Variants in NEB observed in about 807,000 individuals in gnomAD.
NEB encodes nemaline myopathy type 2.
A neutral mutation model predicts 952.2 loss-of-function variants in NEB; 512 were observed. That is an observed-to-expected ratio of 0.54 (90% confidence interval 0.50 to 0.58). The LOEUF (loss-of-function observed/expected upper bound fraction) is 0.58. NEB is among the 20% of genes least tolerant of loss of function. NEB has a pLI of 0.00. For synonymous variants in NEB, 2,900 were observed against 3,149.8 expected, an observed-to-expected ratio of 0.92 and a Z score of 2.66; for missense variants, 8,428 against 9,231.1, an observed-to-expected ratio of 0.91 and a Z score of 3.56.
intron 109 of NEB, 110 bp downstream of exon 109, chr2:151,569,971 C>G (rs1006880124): frequency 9.1e-7 from 1 of 1,103,060 alleles, no homozygotes; most frequent in Non-Finnish European, 1.3e-6. Context: ...ATATTAAATT[C>G]TTGGTGATAT....
At chr2:151,540,132 G>A (rs915443777) in intron 138 of NEB, among the ~76,000 whole-genome samples, 6 of 152,166 alleles carry the variant, frequency 3.9e-5, no homozygotes, top group African/African-American at 9.6e-5. Flanking sequence ...TTATTCAGGA[G>A]AGAATTGAGA....
At position 151,570,308 on chromosome 2, in the gene NEB, C is replaced by T. The variant is rs202111641; in HGVS notation, c.17203G>A (p.Ala5735Thr). The change falls in exon 109 of 182, where the codon GCC (alanine) becomes ACC (threonine). Residue 5735 changes from alanine to threonine, a missense_variant. Transcript: ENST00000397345. ...TARDDNKIRWALIADKLQNER... is the reference protein window; with the variant it reads ...TARDDNKIRWTLIADKLQNER... ...TTCTGGAGCTTGTCAGCTATGAGGG[C>T]CCAGCGGATCTTGTTGTCATCCCTG... 160 of 1,610,730 alleles carry T rather than the reference C, an allele frequency of 9.9e-5. No homozygotes were observed. Among genetic ancestry groups the T allele is most frequent in the Non-Finnish European group, 1.3e-4 (153 of 1,177,596 alleles).
At position 151,665,419 on chromosome 2, in the gene NEB, G is replaced by A. The variant is rs1469223566; in HGVS notation, c.5152C>T (p.Gln1718Ter). Reference protein sequence around the residue: ...GEILSEKKYRQHPEKLKFTYA... With the variant: ...GEILSEKKYR The stretch of plus-strand genomic sequence containing the variant: ...GTGAACTTCAGCTTCTCGGGGTGCT[G>A]GCGATACTTCTTCTCACTAAGAATC... Residue 1718 changes from glutamine (Q) to a stop codon, truncating the protein, a stop_gained, in exon 42 of 182, where the codon CAG becomes TAG. Coordinates refer to ENST00000397345, the MANE Select transcript of NEB (RefSeq NM_001164508.2). LOFTEE classifies it high-confidence loss of function. 1.9e-6 allele frequency: 3 copies of A among 1,613,704 alleles called. No individual in the cohort carries two copies. Among genetic ancestry groups the A allele is most frequent in the East Asian group, 2.2e-5 (1 of 44,872 alleles).
intron 170 of NEB, chr2:151,497,932 A>AGAGTT: frequency 6.9e-7 from 1 of 1,454,344 alleles, no homozygotes; most frequent in Non-Finnish European, 9.0e-7. Flanking sequence ...AAGGGCTGTC[A>AGAGTT]GAGTTATCCA....
intron 161 of NEB, among the ~76,000 whole-genome samples, chr2:151,509,866 C>T (rs941193072): frequency 6.6e-6 from 1 of 152,160 alleles, no homozygotes; most frequent in African/African-American, 2.4e-5. Context: ...CCTCGGTCTC[C>T]CAAAGTCCTG....
chr2:151,644,145 G>A lies in NEB; in HGVS notation c.7645-16C>T. Reference sequence around the variant, plus strand: ...TGTACTTGTACTAGAGAAAAAAAATGTGTCTCATTCCTTTCAAAATTTACT... The same window carrying A: ...TGTACTTGTACTAGAGAAAAAAAATATGTCTCATTCCTTTCAAAATTTACT... On this transcript the variant is annotated splice_polypyrimidine_tract_variant and intron_variant, in intron 56 of 181. Transcript: ENST00000397345. 1 of 1,609,702 alleles carries A rather than the reference G, an allele frequency of 6.2e-7. No individual in the cohort carries two copies. Among genetic ancestry groups the A allele is most frequent in the Non-Finnish European group, 8.5e-7 (1 of 1,176,454 alleles).
chr2:151,551,524 A>T (rs146747679), intron 129 of NEB, among the ~76,000 whole-genome samples: 32 of 152,326 alleles, frequency 2.1e-4, no homozygotes, highest in Middle Eastern at 3.4e-3. Flanking sequence ...AATATTGCTA[A>T]AACATGCCCA....
intron 9 of NEB, among the ~76,000 whole-genome samples, chr2:151,722,101 A>T (rs1034697222): frequency 1.1e-4 from 16 of 152,332 alleles, no homozygotes; most frequent in African/African-American, 3.4e-4. Context: ...TTCCATTAGA[A>T]GTAAATCCCA....
At chr2:151,569,782 A>G (rs748228489) in intron 109 of NEB, among the ~76,000 whole-genome samples, 35 of 152,344 alleles carry the variant, frequency 2.3e-4, no homozygotes, top group Admixed American at 4.6e-4. Flanking sequence ...TGGGCTGCCA[A>G]TATTTTACTG....
At chr2:151,641,151 C>G (rs1470120570) in intron 60 of NEB, among the ~76,000 whole-genome samples, 1 of 151,628 alleles carries the variant, frequency 6.6e-6, no homozygotes, top group Non-Finnish European at 1.5e-5. Flanking sequence ...TTTATACACA[C>G]AGAAAAAAAA....
chr2:151,690,888 T>TA, intron 23 of NEB, 63 bp from the exon 24 acceptor site: 1 of 1,220,796 alleles, frequency 8.2e-7, no homozygotes, highest in Non-Finnish European at 1.2e-6. Flanking sequence ...TGCGCTAACA[T>TA]AAAAAATGGT....
intron 117 of NEB, among the ~76,000 whole-genome samples, chr2:151,564,724 A>T (rs1009169410): frequency 3.3e-5 from 5 of 152,146 alleles, no homozygotes; most frequent in Admixed American, 1.3e-4. Context: ...CCCCCAGAGC[A>T]CTTGTTAGAT....
chr2:151,611,949 G>A (rs1445733102), intron 78 of NEB, among the ~76,000 whole-genome samples: 2 of 152,174 alleles, frequency 1.3e-5, no homozygotes, highest in African/African-American at 4.8e-5. Context: ...AGAAGGGTGA[G>A]TGCATCACTC....
At chr2:151,523,576 T>C (rs2083432693) in intron 153 of NEB, among the ~76,000 whole-genome samples, 1 of 152,372 alleles carries the variant, frequency 6.6e-6, no homozygotes, top group East Asian at 1.9e-4. Context: ...CTGATAGGTC[T>C]GGTGGTAGAT....
chr2:151,726,428 T>C (rs769905850), intron 5 of NEB, among the ~76,000 whole-genome samples: 6 of 152,244 alleles, frequency 3.9e-5, no homozygotes, highest in South Asian at 2.1e-4. Flanking sequence ...AAAGTGAGTA[T>C]GTATTGCTCA....
rs374505298 is a variant in NEB at position 151,485,722 on chromosome 2, C to G, written c.*38G>C. 1.1e-5 allele frequency: 17 copies of G among 1,559,362 alleles called. No homozygotes were observed. In the African/African-American group the frequency reaches 2.3e-4, roughly 21 times the overall value. ...TAAACCGAAACATTGACTGCAGGAT[C>G]TGTAAGTCCTGCAGACAAGTGTGAT... is the stretch of plus-strand genomic sequence containing the variant. On this transcript the variant is annotated 3_prime_UTR_variant, in exon 182 of 182. Transcript: ENST00000397345.
At chr2:151,665,639 G>A in intron 41 of NEB, 100 bp from the exon 42 acceptor site, 1 of 1,029,056 alleles carries the variant, frequency 9.7e-7, no homozygotes, top group Non-Finnish European at 1.4e-6. Context: ...AGAGAAGCTG[G>A]GAGGGGGAGA....
At chr2:151,495,117 C>T (rs2152907042) in intron 173 of NEB, 1 of 152,332 alleles carries the variant, frequency 6.6e-6, no homozygotes. Context: ...TTCAGCTTAT[C>T]ATTAAGGAAT....
Position 151,581,494 on chromosome 2 carries a change from G to A in NEB, c.16273C>T (p.Gln5425Ter), listed in dbSNP as rs1064796311. 3.2e-6 allele frequency: 3 copies of A among 946,706 alleles called. No homozygotes were observed. Among genetic ancestry groups the A allele is most frequent in the African/African-American group, 2.3e-5 (1 of 44,360 alleles). The allele number at this position is 946,706 out of a possible 1,614,324, so 58.6% of individuals were successfully genotyped here. ...LMLQSKINALQISNKRYQQAW... is the reference protein window; with the variant it reads ...LMLQSKINAL Reference sequence around the variant, plus strand: ...GTGTGCTGTCTTACATTGCTGATCTGCAGGGCATTGATTTTGGATTGCAGC... The same window carrying A: ...GTGTGCTGTCTTACATTGCTGATCTACAGGGCATTGATTTTGGATTGCAGC... Residue 5425 changes from glutamine (Q) to a stop codon, truncating the protein, a stop_gained, in exon 103 of 182, where the codon CAG (glutamine) becomes TAG (stop). Transcript: ENST00000397345. LOFTEE classifies it high-confidence loss of function.
Sources: allele counts gnomAD v4.1 joint callset (sites outside exome capture counted in the v4.1 genomes callset), GRCh38; gene constraint gnomAD v4.1.1; transcripts MANE v1.5; gene names NCBI Gene and HGNC (gene_info 2026-07-23, HGNC 2026-07-21).